The following LRP1B variants were observed in gnomAD, a reference collection of about 807,000 sequenced individuals.
LRP1B encodes the protein low-density lipoprotein receptor-related protein 1B.
In LRP1B, 217 loss-of-function variants were observed where a neutral mutation model predicts 556.6. The observed-to-expected ratio is 0.39, with a 90% CI of 0.35 to 0.44. The LOEUF (loss-of-function observed/expected upper bound fraction) is 0.44, where lower values mean the gene tolerates loss of function less well. Ranked by LOEUF, LRP1B falls within the 20% of genes least tolerant of loss-of-function variation. LRP1B has a pLI of 1.00. For synonymous variants in LRP1B, 2,047 were observed against 1,865.8 expected, an observed-to-expected ratio of 1.10 and a Z score of -2.50; for missense variants, 5,053 against 5,620.8, an observed-to-expected ratio of 0.90 and a Z score of 3.23.
At chr2:140,298,135 T>C (rs1411326183) in intron 83 of LRP1B, among the ~76,000 whole-genome samples, 166 bp from the exon 84 acceptor site, 2 of 152,186 alleles carry the variant, frequency 1.3e-5, no homozygotes, top group Admixed American at 1.3e-4. Context: ...GGTCTCAGTT[T>C]TTCATATGTT....
At chr2:141,290,191 A>T (rs1386537441) in intron 3 of LRP1B, among the ~76,000 whole-genome samples, 2 of 152,154 alleles carry the variant, frequency 1.3e-5, no homozygotes, top group African/African-American at 4.8e-5. Context: ...AATCTCCTCT[A>T]TATTTAAAGA....
At chr2:141,693,788 T>A in intron 2 of LRP1B, among the ~76,000 whole-genome samples, 1 of 152,180 alleles carries the variant, frequency 6.6e-6, no homozygotes, top group Non-Finnish European at 1.5e-5. Flanking sequence ...CTTGGGGTTT[T>A]AGATTCACTC....
chr2:141,685,403 G>T (rs748229482), intron 2 of LRP1B, among the ~76,000 whole-genome samples: 77 of 152,122 alleles, frequency 5.1e-4, no homozygotes, highest in Non-Finnish European at 9.6e-4. Flanking sequence ...CAAATGTTGG[G>T]ATGGTTTTAA....
chr2:140,678,183 G>T (rs1685738066), intron 41 of LRP1B, among the ~76,000 whole-genome samples: 1 of 151,908 alleles, frequency 6.6e-6, no homozygotes, highest in South Asian at 2.1e-4. Context: ...TCTATTTTTT[G>T]CCTATAAGAA....
intron 3 of LRP1B, among the ~76,000 whole-genome samples, chr2:141,360,842 C>T (rs1192212111): frequency 3.3e-5 from 5 of 152,024 alleles, no homozygotes; most frequent in Non-Finnish European, 5.9e-5. Flanking sequence ...TCAGGTAAAC[C>T]CAAATACACA....
rs1681925555 is a variant in LRP1B, at chr2:140,350,845, G to A, written c.11844C>T (p.Tyr3948=). 4 of 1,611,016 alleles carry A rather than the reference G, an allele frequency of 2.5e-6. No individual in the cohort carries two copies. The highest frequency in any genetic ancestry group is 3.4e-6 in the Non-Finnish European group (4 of 1,178,344). ...TTTTTTCTCTGCCATGGATCCTTTT[G>A]TAGAAAATTCCGCCTGGATTAAACT... is the stretch of plus-strand genomic sequence containing the variant. ...STQFNPGGIF[Y]KRIHGREKRQ... Residue 3948 remains tyrosine, a synonymous_variant, in exon 77 of 91, where the codon TAC becomes TAT. Transcript: ENST00000389484.
At chr2:140,357,726 A>G (rs1682294476) in intron 74 of LRP1B, among the ~76,000 whole-genome samples, 2 of 151,708 alleles carry the variant, frequency 1.3e-5, no homozygotes, top group Admixed American at 1.3e-4. Flanking sequence ...GCTGACATCA[A>G]CTTCGATATT....
intron 79 of LRP1B, among the ~76,000 whole-genome samples, chr2:140,328,655 G>C (rs2105070970): frequency 6.6e-6 from 1 of 152,060 alleles, no homozygotes; most frequent in Non-Finnish European, 1.5e-5. Flanking sequence ...CACCAAGTGT[G>C]AATTACCATA....
In LRP1B at chr2:141,281,835, T is replaced by C. The variant is rs375911600; in HGVS notation, c.344-27194A>G. Among the ~76,000 whole-genome samples the C allele has an allele frequency of 5.5e-4, 84 of 152,182 alleles. 2 individuals carry two copies. In the South Asian group the frequency reaches 0.016, roughly 29 times the overall value. ...GACTGTTTCACATCCAGTCTTCTACTTACTAGCTATGTGAGCTACCCTGAA... is the reference window on the plus strand; with the variant it reads ...GACTGTTTCACATCCAGTCTTCTACCTACTAGCTATGTGAGCTACCCTGAA... On this transcript the variant is annotated intron_variant, in intron 3 of 90. Transcript: ENST00000389484.
intron 3 of LRP1B, among the ~76,000 whole-genome samples, chr2:141,256,492 A>T (rs1413200086): frequency 6.6e-6 from 1 of 152,026 alleles, no homozygotes; most frequent in East Asian, 1.9e-4. Flanking sequence ...GTTATTGAGG[A>T]CAGTAGTGAT....
At chr2:141,702,063 A>G (rs1453164178) in intron 2 of LRP1B, among the ~76,000 whole-genome samples, 2 of 151,906 alleles carry the variant, frequency 1.3e-5, no homozygotes, top group Non-Finnish European at 2.9e-5. Flanking sequence ...TGATGATAGA[A>G]GGAACTGGGG....
intron 7 of LRP1B, among the ~76,000 whole-genome samples, chr2:141,095,512 A>G (rs1206048169): frequency 1.3e-5 from 2 of 151,112 alleles, no homozygotes; most frequent in Admixed American, 1.3e-4. Context: ...TCTAGAGGAA[A>G]CTCAAGGAAT....
chr2:142,056,529 G>T (rs1433741791), intron 1 of LRP1B, among the ~76,000 whole-genome samples: 1 of 152,056 alleles, frequency 6.6e-6, no homozygotes, highest in Non-Finnish European at 1.5e-5. Flanking sequence ...TCTGAGGCTG[G>T]CTGGATGTAA....
intron 41 of LRP1B, among the ~76,000 whole-genome samples, chr2:140,698,432 C>A (rs547939606): frequency 6.6e-6 from 1 of 152,078 alleles, no homozygotes; most frequent in African/African-American, 2.4e-5. Context: ...ATCTAAATAG[C>A]ACCTTCTAAG....
intron 20 of LRP1B, among the ~76,000 whole-genome samples, chr2:140,926,781 C>T (rs1416287689): frequency 4.6e-5 from 7 of 152,070 alleles, no homozygotes; most frequent in East Asian, 1.9e-4. Flanking sequence ...TATTGATGTG[C>T]GTTTTTTTCC....
intron 16 of LRP1B, chr2:140,992,584 C>G (rs1345282942): frequency 6.6e-6 from 1 of 152,106 alleles, no homozygotes; most frequent in East Asian, 1.9e-4. Flanking sequence ...TGACTCTTCA[C>G]ACTTAGTTAC....
chr2:141,196,417 G>A (rs1251256672), intron 6 of LRP1B, among the ~76,000 whole-genome samples: 2 of 151,894 alleles, frequency 1.3e-5, no homozygotes, highest in South Asian at 4.1e-4. Context: ...ACTCATGGAC[G>A]CATACACACA....
At chr2:142,001,737 A>G (rs1702661414) in intron 1 of LRP1B, among the ~76,000 whole-genome samples, 1 of 152,226 alleles carries the variant, frequency 6.6e-6, no homozygotes, top group Non-Finnish European at 1.5e-5. Context: ...AGGCGTGTCC[A>G]TAATCCAATG....
chr2:141,314,953 T>C (rs1181527342), intron 3 of LRP1B, among the ~76,000 whole-genome samples: 2 of 147,134 alleles, frequency 1.4e-5, no homozygotes, highest in Non-Finnish European at 3.0e-5. Context: ...CTTCAATAAA[T>C]TTAAGCCTCT....
Sources: gnomAD v4.1 joint callset for allele counts (sites outside exome capture counted in the v4.1 genomes callset) on GRCh38, gnomAD v4.1.1 for gene constraint, MANE v1.5 for transcripts, NCBI Gene and HGNC (gene_info 2026-07-23, HGNC 2026-07-21) for gene names.